The following FGGY variants were observed in gnomAD, a reference collection of about 807,000 sequenced individuals.
The protein encoded by FGGY is FGGY carbohydrate kinase domain containing, also known as FGGY carbohydrate kinase domain-containing protein.
In FGGY, 72 loss-of-function variants were observed where a neutral mutation model predicts 71.3. That is an observed-to-expected ratio of 1.01 (90% CI 0.84 to 1.23). The LOEUF is 1.23. Among genes scored for constraint, FGGY ranks in the 50% most tolerant of loss-of-function variants. The probability of loss-of-function intolerance (pLI) is 0.00; values close to 1 mark genes in which losing one functional copy is unlikely to be tolerated. For missense variants in FGGY, 668 were observed against 682.3 expected (o/e 0.98, Z 0.23); for synonymous variants, 251 against 250.3 (o/e 1.00, Z -0.02).
At chr1:59,565,344 G>A (rs1388436023) in intron 8 of FGGY, among the ~76,000 whole-genome samples, 1 of 152,006 alleles carries the variant, frequency 6.6e-6, no homozygotes, top group Non-Finnish European at 1.5e-5. Context: ...GGGTGCAGGT[G>A]CGCCATCTCG....
intron 5 of FGGY, among the ~76,000 whole-genome samples, chr1:59,444,043 A>G (rs2070632949): frequency 6.6e-6 from 1 of 152,196 alleles, no homozygotes; most frequent in Non-Finnish European, 1.5e-5. Context: ...GAAACCCAAC[A>G]TTACTAGAAT....
intron 14 of FGGY, among the ~76,000 whole-genome samples, chr1:59,721,337 G>GTTTTCTTTTTTTTTTTTTTT (rs2097891620): frequency 9.5e-6 from 1 of 105,376 alleles, no homozygotes; most frequent in Non-Finnish European, 1.7e-5. Context: ...TCTTTCCTTT[G>GTTTTCTTTTTTTTTTTTTTT]TTTTTTTTTT....
At chr1:59,450,747 A>G (rs1176010948) in intron 5 of FGGY, among the ~76,000 whole-genome samples, 1 of 152,114 alleles carries the variant, frequency 6.6e-6, no homozygotes, top group Non-Finnish European at 1.5e-5. Context: ...AATATTATGA[A>G]TGGTAGTTTT....
intron 9 of FGGY, among the ~76,000 whole-genome samples, chr1:59,624,415 A>G (rs1166538307): frequency 6.6e-6 from 1 of 152,206 alleles, no homozygotes; most frequent in Non-Finnish European, 1.5e-5. Context: ...GAATAAATGA[A>G]ATAGAGTAAT....
At chr1:59,487,690 T>A (rs1181130019) in intron 6 of FGGY, among the ~76,000 whole-genome samples, 1 of 152,144 alleles carries the variant, frequency 6.6e-6, no homozygotes, top group African/African-American at 2.4e-5. Flanking sequence ...AAACTGATGA[T>A]TATCCAGAAA....
intron 6 of FGGY, among the ~76,000 whole-genome samples, chr1:59,474,385 G>C (rs1188229371): frequency 6.6e-6 from 1 of 152,174 alleles, no homozygotes; most frequent in Non-Finnish European, 1.5e-5. Flanking sequence ...TCATTTTATA[G>C]ACAAAAAACT....
intron 7 of FGGY, among the ~76,000 whole-genome samples, chr1:59,535,162 A>G (rs939191832): frequency 1.3e-5 from 2 of 152,292 alleles, no homozygotes; most frequent in East Asian, 1.9e-4. Context: ...GGAAAACAAA[A>G]AAAGGCAGGG....
At chr1:59,418,381 C>T (rs570176475) in intron 5 of FGGY, among the ~76,000 whole-genome samples, 10 of 151,944 alleles carry the variant, frequency 6.6e-5, no homozygotes, top group South Asian at 4.2e-4. Context: ...AGGAAGCACC[C>T]GAGAAAATAA....
intron 8 of FGGY, among the ~76,000 whole-genome samples, chr1:59,570,786 C>T (rs1404254530): frequency 1.3e-5 from 2 of 152,178 alleles, no homozygotes; most frequent in Non-Finnish European, 2.9e-5. Flanking sequence ...CTACCCAGCC[C>T]TTCCTTGAGC....
intron 8 of FGGY, among the ~76,000 whole-genome samples, chr1:59,560,421 G>C (rs1419818855): frequency 6.6e-6 from 1 of 152,084 alleles, no homozygotes; most frequent in Non-Finnish European, 1.5e-5. Context: ...TAAAATCTAA[G>C]GAAATCTGAA....
At chr1:59,345,934 A>G (rs2051789315) in intron 3 of FGGY, among the ~76,000 whole-genome samples, 1 of 152,184 alleles carries the variant, frequency 6.6e-6, no homozygotes, top group African/African-American at 2.4e-5. Context: ...TCTAGAACAG[A>G]AGGGATAAGA....
intron 14 of FGGY, among the ~76,000 whole-genome samples, chr1:59,721,916 A>G (rs72668010): frequency 0.074 from 11,240 of 152,238 alleles, 508 homozygotes; most frequent in Middle Eastern, 0.13. Context: ...AATATCCAAT[A>G]GTGTTTACTT....
chr1:59,304,681 A>G (rs1033948012), intron 1 of FGGY, among the ~76,000 whole-genome samples: 1 of 151,802 alleles, frequency 6.6e-6, no homozygotes, highest in African/African-American at 2.4e-5. Context: ...TAGCAATATT[A>G]TTTCTACCAG....
intron 9 of FGGY, among the ~76,000 whole-genome samples, chr1:59,617,717 G>C (rs2096770337): frequency 6.6e-6 from 1 of 152,036 alleles, no homozygotes; most frequent in Non-Finnish European, 1.5e-5. Context: ...GCTCTTGTTT[G>C]TCTCACGTGG....
At position 59,505,549 on chromosome 1, in the gene FGGY, C is replaced by T. The variant is rs144492955; in HGVS notation, c.671-6762C>T. Reference sequence around the variant, plus strand: ...CCCCCAGTGCCAAGCACAGAGGAAGCAGGGTCACATGCCACCCATGCCCAA... The same window carrying T: ...CCCCCAGTGCCAAGCACAGAGGAAGTAGGGTCACATGCCACCCATGCCCAA... On this transcript the variant is annotated intron_variant, in intron 6 of 15. Coordinates refer to ENST00000303721, the MANE Select transcript of FGGY (RefSeq NM_018291.5). Among the ~76,000 whole-genome samples the T allele has an allele frequency of 2.0e-3, 304 of 152,284 alleles. 1 individual carries two copies. Among genetic ancestry groups the T allele is most frequent in the African/African-American group, 6.9e-3 (286 of 41,548 alleles).
intron 14 of FGGY, among the ~76,000 whole-genome samples, chr1:59,736,737 G>A (rs1048942143): frequency 2.6e-5 from 4 of 152,222 alleles, no homozygotes; most frequent in Admixed American, 2.0e-4. Flanking sequence ...ATGAAAGTTT[G>A]CAAAATTTGC....
rs1558525262 is a variant in FGGY at position 59,607,837 on chromosome 1, G to A, written c.938G>A (p.Trp313Ter). The A allele has an allele frequency of 6.2e-7, 1 of 1,613,844 alleles. No homozygotes were observed. Among genetic ancestry groups the A allele is most frequent in the Non-Finnish European group, 8.5e-7 (1 of 1,179,834 alleles). ...SKDPIFVPGV[W>*]GPYFSAMVPG... is the part of the protein sequence containing the mutation. Reference sequence around the variant, plus strand: ...GACCCGATTTTTGTACCAGGCGTCTGGGGGCCTTATTTCTCAGCCATGGTA... The same window carrying A: ...GACCCGATTTTTGTACCAGGCGTCTAGGGGCCTTATTTCTCAGCCATGGTA... Residue 313 changes from tryptophan (W) to a stop codon, truncating the protein, a stop_gained, in exon 9 of 16, where the codon TGG becomes TAG. Transcript: ENST00000303721. LOFTEE classifies it high-confidence loss of function.
At chr1:59,531,199 C>G (rs1284393782) in intron 7 of FGGY, among the ~76,000 whole-genome samples, 1 of 152,172 alleles carries the variant, frequency 6.6e-6, no homozygotes, top group Non-Finnish European at 1.5e-5. Context: ...AGTTATGTAA[C>G]TTCTACAAGT....
rs1283347146 is a variant in FGGY, at chr1:59,688,557, T to C, written c.1512+14424T>C. ...TCTCAGAACAGGTTTATGTGGAAAG[T>C]TTATTGTGTTCATTTTTTACAGATG... is the stretch of plus-strand genomic sequence containing the variant. On this transcript the variant is annotated intron_variant, in intron 14 of 15. Coordinates refer to ENST00000303721, the MANE Select transcript of FGGY (RefSeq NM_018291.5). Among the ~76,000 whole-genome samples, 5 of 152,178 alleles carry C rather than the reference T, an allele frequency of 3.3e-5. No individual in the cohort carries two copies. The East Asian group carries it at 7.7e-4, about 24-fold the overall frequency.
Sources: gnomAD v4.1 joint callset for allele counts (sites outside exome capture counted in the v4.1 genomes callset) on GRCh38, gnomAD v4.1.1 for gene constraint, MANE v1.5 for transcripts, NCBI Gene and HGNC (gene_info 2026-07-23, HGNC 2026-07-21) for gene names.